LRRTM4: variants seen among roughly 807,000 people sequenced by gnomAD.
LRRTM4 encodes the protein leucine rich repeat transmembrane neuronal 4.
Under a neutral mutation model 47.6 loss-of-function variants are expected in LRRTM4, and 25 were observed. The ratio of observed to expected loss-of-function variants is 0.53; its 90% CI spans 0.38 to 0.73. The LOEUF (loss-of-function observed/expected upper bound fraction) is 0.73, where lower values mean the gene tolerates loss of function less well. Among genes scored for constraint, LRRTM4 ranks in the 30% least tolerant of loss-of-function variants. LRRTM4 has a pLI of 0.00. For missense variants in LRRTM4, 638 were observed against 713.4 expected (o/e 0.89, Z 1.20); for synonymous variants, 311 against 269.5 (o/e 1.15, Z -1.51).
At chr2:76,886,758 A>G (rs543119019) in intron 3 of LRRTM4, among the ~76,000 whole-genome samples, 1 of 152,168 alleles carries the variant, frequency 6.6e-6, no homozygotes, top group African/African-American at 2.4e-5. Flanking sequence ...AATGCCTCAT[A>G]AAATTTTTAA....
intron 3 of LRRTM4, among the ~76,000 whole-genome samples, chr2:77,498,725 A>C (rs1335091933): frequency 6.6e-6 from 1 of 151,820 alleles, no homozygotes; most frequent in Non-Finnish European, 1.5e-5. Context: ...TTAAGCCTAT[A>C]GTACTACTAT....
chr2:77,362,264 G>A (rs1573312585), intron 3 of LRRTM4, among the ~76,000 whole-genome samples: 1 of 152,132 alleles, frequency 6.6e-6, no homozygotes, highest in African/African-American at 2.4e-5. Flanking sequence ...GGAGTCCATA[G>A]TCTTAACAAA....
At chr2:76,919,518 A>G (rs1674367938) in intron 3 of LRRTM4, among the ~76,000 whole-genome samples, 1 of 152,062 alleles carries the variant, frequency 6.6e-6, no homozygotes. Context: ...TCTCCTGCAA[A>G]CTTTGAACTT....
chr2:76,891,894 A>G (rs1673267181), intron 3 of LRRTM4, among the ~76,000 whole-genome samples: 1 of 151,738 alleles, frequency 6.6e-6, no homozygotes, highest in African/African-American at 2.4e-5. Context: ...AAAAAATGGC[A>G]AAAGTCAAAA....
chr2:77,370,687 AC>A (rs1197703611), intron 3 of LRRTM4, among the ~76,000 whole-genome samples: 6 of 151,740 alleles, frequency 4.0e-5, no homozygotes, highest in African/African-American at 1.4e-4. Flanking sequence ...AACCATTCAG[AC>A]CCTGAAAATG....
intron 3 of LRRTM4, among the ~76,000 whole-genome samples, chr2:77,491,082 A>AAGAGAGAGAGAGAAACAGAC (rs1678136072): frequency 6.6e-6 from 1 of 151,956 alleles, no homozygotes; most frequent in Non-Finnish European, 1.5e-5. Context: ...GAAGATCAGA[A>AAGAGAGAGAGAGAAACAGAC]AGAGAGAGAG....
At position 77,021,134 on chromosome 2, in the gene LRRTM4, C is replaced by T. The variant is rs1426275112; in HGVS notation, c.1552-272218G>A. ...TGTATCTATCTATCTATCTATCTAG[C>T]CTTATCTATCTATTGCCTTATCTAT... is the stretch of plus-strand genomic sequence containing the variant. On this transcript the variant is annotated intron_variant, in intron 3 of 3. Coordinates refer to ENST00000409884, the MANE Select transcript of LRRTM4 (RefSeq NM_001134745.3). Among the ~76,000 whole-genome samples the T allele has an allele frequency of 2.0e-5, 3 of 150,852 alleles. No individual in the cohort carries two copies. The South Asian group carries it at 6.5e-4, about 33-fold the overall frequency.
At chr2:77,507,635 TA>T (rs1261907068) in intron 3 of LRRTM4, among the ~76,000 whole-genome samples, 3 of 151,730 alleles carry the variant, frequency 2.0e-5, no homozygotes, top group Non-Finnish European at 4.4e-5. Context: ...TCTCAGAAAT[TA>T]AAAAAAGGAA....
At chr2:77,297,300 CTATTT>C (rs1288512127) in intron 3 of LRRTM4, among the ~76,000 whole-genome samples, 1 of 152,072 alleles carries the variant, frequency 6.6e-6, no homozygotes. Flanking sequence ...AAATAATTGA[CTATTT>C]TATTTATTTA....
intron 3 of LRRTM4, among the ~76,000 whole-genome samples, chr2:76,891,133 A>G (rs774363972): frequency 3.8e-4 from 57 of 151,948 alleles, no homozygotes; most frequent in Non-Finnish European, 7.7e-4. Context: ...AATCTACAGA[A>G]AGTAAAGAGA....
intron 3 of LRRTM4, among the ~76,000 whole-genome samples, chr2:76,880,549 G>T (rs1672900811): frequency 6.6e-6 from 1 of 152,024 alleles, no homozygotes; most frequent in Non-Finnish European, 1.5e-5. Flanking sequence ...CATGTGACTT[G>T]CTTTATTATG....
intron 3 of LRRTM4, among the ~76,000 whole-genome samples, chr2:76,769,383 G>A (rs557703861): frequency 6.6e-6 from 1 of 152,202 alleles, no homozygotes; most frequent in East Asian, 1.9e-4. Context: ...TTTAAGGCCT[G>A]CTTTTGCCTT....
chr2:77,249,951 CT>C (rs1675557106), intron 3 of LRRTM4, among the ~76,000 whole-genome samples: 1 of 152,088 alleles, frequency 6.6e-6, no homozygotes, highest in African/African-American at 2.4e-5. Context: ...GATAAATAAA[CT>C]ATGGTCCATC....
intron 3 of LRRTM4, among the ~76,000 whole-genome samples, chr2:77,151,964 A>C (rs535411526): frequency 1.3e-5 from 2 of 152,356 alleles, no homozygotes; most frequent in East Asian, 3.9e-4. Context: ...CAAATTGAGT[A>C]TCTCAAGGAA....
At chr2:76,770,840 G>T (rs1031652455) in intron 3 of LRRTM4, among the ~76,000 whole-genome samples, 1 of 151,900 alleles carries the variant, frequency 6.6e-6, no homozygotes, top group South Asian at 2.1e-4. Context: ...ATTGTTTCTC[G>T]ATCCCTTGGA....
intron 3 of LRRTM4, among the ~76,000 whole-genome samples, chr2:77,450,947 CAA>C (rs1676231824): frequency 6.6e-6 from 1 of 152,202 alleles, no homozygotes; most frequent in South Asian, 2.1e-4. Context: ...ATTTAGCATT[CAA>C]AGAGTTCAAC....
At position 77,036,317 on chromosome 2, in the gene LRRTM4, T is replaced by C. The variant is rs957503187; in HGVS notation, c.1552-287401A>G. 7.2e-5 allele frequency among the ~76,000 whole-genome samples: 11 copies of C among 151,976 alleles called. No homozygotes were observed. In the East Asian group the frequency reaches 1.2e-3, roughly 16 times the overall value. Reference sequence around the variant, plus strand: ...TATCCACATTTCTACATAGATATTTTACAATTTCATGGACTAGAGTATTAT... The same window carrying C: ...TATCCACATTTCTACATAGATATTTCACAATTTCATGGACTAGAGTATTAT... On this transcript the variant is annotated intron_variant, in intron 3 of 3. Transcript: ENST00000409884.
Position 77,518,538 on chromosome 2 carries a change from T to C in LRRTM4, c.1331A>G (p.Tyr444Cys), listed in dbSNP as rs941094225. ...GGCTGGGTAGCGTTTCCAAGACACA[T>C]AGATCACCAAGAGGATCATGGCCAC... Reference protein sequence around the residue: ...LSVAMILLVIYVSWKRYPASM... With the variant: ...LSVAMILLVICVSWKRYPASM... Residue 444 changes from tyrosine (Y) to cysteine (C), a missense_variant, in exon 3 of 4, where the codon TAT (tyrosine) becomes TGT (cysteine). Tyr to Cys is a radical substitution (Grantham distance 194). Coordinates refer to ENST00000409884, the MANE Select transcript of LRRTM4 (RefSeq NM_001134745.3). The C allele has an allele frequency of 6.2e-6, 10 of 1,613,194 alleles. No homozygotes were observed. The Admixed American group carries it at 6.7e-5, about 11-fold the overall frequency.
intron 3 of LRRTM4, among the ~76,000 whole-genome samples, chr2:77,312,981 A>G (rs1677500118): frequency 6.6e-6 from 1 of 152,240 alleles, no homozygotes; most frequent in Non-Finnish European, 1.5e-5. Context: ...GAGTAAATAA[A>G]GTTATATAAA....
Sources: gnomAD v4.1 joint callset for allele counts (sites outside exome capture counted in the v4.1 genomes callset) on GRCh38, gnomAD v4.1.1 for gene constraint, MANE v1.5 for transcripts, NCBI Gene and HGNC (gene_info 2026-07-23, HGNC 2026-07-21) for gene names.